ETFDH: variants seen among roughly 807,000 people sequenced by gnomAD.
The protein encoded by ETFDH is electron transfer flavoprotein dehydrogenase.
ETFDH carries 61 observed loss-of-function variants against 73.2 expected under a neutral mutation model. The observed-to-expected ratio is 0.83, with a 90% CI of 0.68 to 1.03. The LOEUF is 1.03. Ranked by LOEUF, ETFDH falls within the 50% of genes least tolerant of loss-of-function variation. The probability of loss-of-function intolerance (pLI) is 0.00; values close to 1 mark genes in which losing one functional copy is unlikely to be tolerated. For synonymous variants in ETFDH, 243 were observed against 253.3 expected (o/e 0.96, Z 0.39); for missense variants, 685 against 745.0 (o/e 0.92, Z 0.94).
Position 158,672,374 on chromosome 4 carries a change from C to A in ETFDH, c.-83C>A. The A allele has an allele frequency of 6.9e-7, 1 of 1,456,670 alleles. No homozygotes were observed. The highest frequency in any genetic ancestry group is 9.6e-7 in the Non-Finnish European group (1 of 1,037,234). 90.2% of individuals were successfully genotyped at this position (1,456,670 alleles called of 1,614,324 possible). On this transcript the variant is annotated 5_prime_UTR_variant, in exon 1 of 13. Transcript: ENST00000511912. ...CTTTCCGGCAGGTGATGGCGCCCCC[C>A]GCGGCCTAGAGGTCCAGCGCCCGCC...
At chr4:158,684,559 T>A in intron 3 of ETFDH, 33 bp from the exon 4 acceptor site, 1 of 1,238,114 alleles carries the variant, frequency 8.1e-7, no homozygotes, top group Admixed American at 1.7e-5. Context: ...AAATATAAAC[T>A]AAAAACATTT....
At chr4:158,708,198 C>T (rs1330259947) in intron 12 of ETFDH, among the ~76,000 whole-genome samples, 166 bp from the exon 13 acceptor site, 1 of 152,178 alleles carries the variant, frequency 6.6e-6, no homozygotes, top group Non-Finnish European at 1.5e-5. Context: ...ATGTAATTTA[C>T]ACTCACATCA....
intron 7 of ETFDH, 123 bp from the exon 8 acceptor site, chr4:158,697,436 C>A (rs1774336779): frequency 2.4e-6 from 2 of 829,082 alleles, no homozygotes; most frequent in East Asian, 2.6e-5. Context: ...TCTTATATCA[C>A]AGTTTTTCAC....
At chr4:158,678,104 T>C (rs1773756984) in intron 1 of ETFDH, among the ~76,000 whole-genome samples, 1 of 152,228 alleles carries the variant, frequency 6.6e-6, no homozygotes. Context: ...GCTTCATGTC[T>C]TATGTAACCA....
intron 1 of ETFDH, among the ~76,000 whole-genome samples, chr4:158,678,907 C>T (rs929544013): frequency 1.3e-5 from 2 of 151,988 alleles, no homozygotes; most frequent in Admixed American, 1.3e-4. Flanking sequence ...GCAGTCCTCC[C>T]GCCTTAGCTG....
At chr4:158,672,539 G>A (rs375035542) in intron 1 of ETFDH, 49 bp downstream of exon 1, 90 of 1,580,492 alleles carry the variant, frequency 5.7e-5, no homozygotes, top group Non-Finnish European at 7.1e-5. Context: ...AGGGCAAAAG[G>A]GACAAGGCCG....
intron 10 of ETFDH, among the ~76,000 whole-genome samples, chr4:158,704,631 T>G (rs1008027091): frequency 2.6e-5 from 4 of 152,210 alleles, no homozygotes; most frequent in African/African-American, 9.6e-5. Context: ...TCAACTTTTG[T>G]CTTCTGCCAC....
intron 9 of ETFDH, chr4:158,700,604 AC>A (rs1409039150): frequency 1.4e-5 from 2 of 146,322 alleles, no homozygotes; most frequent in Non-Finnish European, 3.0e-5. Flanking sequence ...ACACACACTT[AC>A]TTTTCACCTG....
At chr4:158,702,870 T>C (rs1456959172) in intron 9 of ETFDH, among the ~76,000 whole-genome samples, 1 of 152,118 alleles carries the variant, frequency 6.6e-6, no homozygotes, top group Non-Finnish European at 1.5e-5. Context: ...GTAGTTCTAT[T>C]TGTAGCTTTT....
intron 8 of ETFDH, among the ~76,000 whole-genome samples, chr4:158,698,012 T>C (rs1774357295): frequency 6.6e-6 from 1 of 152,208 alleles, no homozygotes; most frequent in Non-Finnish European, 1.5e-5. Flanking sequence ...TCCAAATAAG[T>C]TAAACAACTT....
At position 158,697,615 on chromosome 4, in the gene ETFDH, T is replaced by C. The variant is rs1174948040; in HGVS notation, c.888T>C (p.Gly296=). The change falls in exon 8 of 13, where the codon GGT becomes GGC. Residue 296 remains glycine, a synonymous_variant. Coordinates refer to ENST00000511912, the MANE Select transcript of ETFDH (RefSeq NM_004453.4). ...CTGGGAGAGTAGATCACACTGTTGG[T>C]TGGCCCTTGGACAGACATACCTATG... The part of the protein sequence containing the change: ...WKPGRVDHTV[G]WPLDRHTYGG... 1.1e-5 allele frequency: 17 copies of C among 1,613,554 alleles called. No homozygotes were observed. The highest frequency in any genetic ancestry group is 1.4e-5 in the Non-Finnish European group (17 of 1,179,554).
intron 12 of ETFDH, among the ~76,000 whole-genome samples, chr4:158,707,831 G>T (rs947577439): frequency 2.6e-5 from 4 of 152,180 alleles, no homozygotes; most frequent in African/African-American, 9.7e-5. Flanking sequence ...AAGGTCTATG[G>T]TAAGACTGTA....
chr4:158,672,958 C>A (rs913884493), intron 1 of ETFDH, among the ~76,000 whole-genome samples: 3 of 152,218 alleles, frequency 2.0e-5, no homozygotes, highest in Non-Finnish European at 4.4e-5. Context: ...GGTTAACATT[C>A]ATATGTTGAC....
Position 158,708,456 on chromosome 4 carries a change from A to G in ETFDH, c.1783A>G (p.Lys595Glu), listed in dbSNP as rs1422165935. The G allele has an allele frequency of 6.2e-7, 1 of 1,612,484 alleles. No homozygotes were observed. The highest frequency in any genetic ancestry group is 1.7e-5 in the Admixed American group (1 of 60,024). Residue 595 changes from lysine to glutamate, a missense_variant, in exon 13 of 13, where the codon AAA becomes GAA. Around this residue, in one of 3 missense-constraint regions of ETFDH, gnomAD observed 201 missense variants for 225.2 expected, o/e 0.89. Transcript: ENST00000511912. ...TGTACATTGTAAAACATGTGATATTAAAGATCCAAGTCAGAATATTAACTG... is the reference window on the plus strand; with the variant it reads ...TGTACATTGTAAAACATGTGATATTGAAGATCCAAGTCAGAATATTAACTG... ...NCVHCKTCDI[K>E]DPSQNINWVV...
At chr4:158,675,482 G>C (rs962466527) in intron 1 of ETFDH, among the ~76,000 whole-genome samples, 8 of 152,140 alleles carry the variant, frequency 5.3e-5, no homozygotes, top group African/African-American at 1.9e-4. Flanking sequence ...TAATTCAGCT[G>C]TTGGTCAGGT....
At chr4:158,683,269 TTCTC>T (rs1773910620) in intron 3 of ETFDH, among the ~76,000 whole-genome samples, 2 of 152,216 alleles carry the variant, frequency 1.3e-5, no homozygotes, top group Admixed American at 6.5e-5. Context: ...CAATTTTTTC[TTCTC>T]TAAGATGGGT....
At chr4:158,686,556 C>T (rs1201836357) in intron 5 of ETFDH, among the ~76,000 whole-genome samples, 1 of 152,084 alleles carries the variant, frequency 6.6e-6, no homozygotes, top group Non-Finnish European at 1.5e-5. Flanking sequence ...TTTCTTCCTC[C>T]GAGGTATGGC....
At chr4:158,681,375 G>A (rs1049864379) in intron 2 of ETFDH, among the ~76,000 whole-genome samples, 1 of 152,110 alleles carries the variant, frequency 6.6e-6, no homozygotes, top group African/African-American at 2.4e-5. Context: ...TTGTGTTTTA[G>A]CTAAGTGTTA....
intron 5 of ETFDH, among the ~76,000 whole-genome samples, chr4:158,685,838 T>C (rs1773989722): frequency 1.3e-5 from 2 of 152,186 alleles, no homozygotes; most frequent in Admixed American, 1.3e-4. Context: ...TTTAGCAATC[T>C]TGAAAGGAAG....
Sources: allele counts gnomAD v4.1 joint callset (sites outside exome capture counted in the v4.1 genomes callset), GRCh38; gene constraint gnomAD v4.1.1; regional missense constraint gnomAD v4.1.1; transcripts MANE v1.5; gene names NCBI Gene and HGNC (gene_info 2026-07-23, HGNC 2026-07-21).